Variants in PTPRA observed in about 807,000 individuals in gnomAD.
The protein encoded by PTPRA is receptor-type tyrosine-protein phosphatase alpha.
In PTPRA, 25 loss-of-function variants were observed where a neutral mutation model predicts 104.8. That is an observed-to-expected ratio of 0.24 (90% CI 0.17 to 0.33). The LOEUF (loss-of-function observed/expected upper bound fraction) is 0.33, where lower values mean the gene tolerates loss of function less well. PTPRA is among the 10% of genes least tolerant of loss of function. The pLI, the probability that PTPRA is intolerant of heterozygous loss-of-function variation, is 1.00. For missense variants in PTPRA, 765 were observed against 1,015.3 expected (o/e 0.75, Z 3.35); for synonymous variants, 323 against 368.9 (o/e 0.88, Z 1.43).
At chr20:2,931,293 G>A (rs1014941329) in intron 2 of PTPRA, among the ~76,000 whole-genome samples, 2 of 152,150 alleles carry the variant, frequency 1.3e-5, no homozygotes, top group African/African-American at 4.8e-5. Context: ...AGAGAACCTG[G>A]GAAAAGAGAC....
intron 3 of PTPRA, among the ~76,000 whole-genome samples, chr20:2,952,068 C>A (rs2061371806): frequency 2.7e-5 from 4 of 150,864 alleles, no homozygotes; most frequent in Non-Finnish European, 5.9e-5. Context: ...TGCGGTGAGC[C>A]AAGATTGCAC....
At chr20:2,910,598 TTG>T (rs201186971) in intron 1 of PTPRA, among the ~76,000 whole-genome samples, 37 of 126,556 alleles carry the variant, frequency 2.9e-4, no homozygotes, top group East Asian at 1.9e-3. Flanking sequence ...TGTTTTTTTT[TTG>T]TTTTTTTTAA....
intron 1 of PTPRA, among the ~76,000 whole-genome samples, chr20:2,920,386 A>G (rs1394998424): frequency 6.6e-6 from 1 of 152,134 alleles, no homozygotes; most frequent in African/African-American, 2.4e-5. Context: ...GCTTAAAACC[A>G]AACAAAACCA....
At chr20:3,030,880 A>G (rs1181280838) in intron 20 of PTPRA, among the ~76,000 whole-genome samples, 1 of 151,862 alleles carries the variant, frequency 6.6e-6, no homozygotes, top group Non-Finnish European at 1.5e-5. Flanking sequence ...GGGTTTCGTC[A>G]TGTTGGCCAT....
chr20:2,932,010 C>T (rs1226364376), intron 2 of PTPRA, among the ~76,000 whole-genome samples: 1 of 152,150 alleles, frequency 6.6e-6, no homozygotes, highest in Non-Finnish European at 1.5e-5. Context: ...TTTTTTCTTC[C>T]TTGCATCCCC....
chr20:2,881,555 G>T (rs1205758652), intron 1 of PTPRA, among the ~76,000 whole-genome samples: 3 of 151,918 alleles, frequency 2.0e-5, no homozygotes, highest in Non-Finnish European at 1.5e-5. Flanking sequence ...TCACTCTGTT[G>T]CCCAGGCTGG....
At position 3,038,172 on chromosome 20, in the gene PTPRA, A is replaced by G. The variant is rs763048092; in HGVS notation, c.*39A>G. ...TCCGTGGACCAGGAGGATTGCCTTT[A>G]ATATTTTGTAATATTCTGTTTTGTT... On this transcript the variant is annotated 3_prime_UTR_variant, in exon 24 of 24. Transcript: ENST00000399903. 6.5e-7 allele frequency: 1 copy of G among 1,530,000 alleles called. No individual in the cohort carries two copies. Among genetic ancestry groups the G allele is most frequent in the Non-Finnish European group, 9.1e-7 (1 of 1,104,442 alleles). 94.8% of individuals were successfully genotyped at this position (1,530,000 alleles called of 1,614,324 possible). A position where few individuals can be genotyped will look rare whatever the true frequency, so the allele number is the denominator to read the frequency against.
chr20:2,891,317 A>G (rs1245988784), intron 1 of PTPRA, among the ~76,000 whole-genome samples: 2 of 152,166 alleles, frequency 1.3e-5, no homozygotes, highest in East Asian at 3.9e-4. Flanking sequence ...CCAACTTTAG[A>G]TTCTGTGAAT....
chr20:2,873,385 G>A (rs2089479953), upstream of PTPRA: 1 of 152,258 alleles, frequency 6.6e-6, no homozygotes, highest in Non-Finnish European at 1.5e-5. The surrounding 1 kb of genome is among the most constrained non-coding windows in gnomAD (Gnocchi z 4.4). Context: ...GGAGCGCAAG[G>A]GCGGGGCCCG....
chr20:2,991,998 A>C (rs568560782), intron 9 of PTPRA, among the ~76,000 whole-genome samples: 73 of 152,218 alleles, frequency 4.8e-4, no homozygotes, highest in Non-Finnish European at 9.8e-4. Context: ...AGTATACCCC[A>C]TAGCAGTCTA....
intron 9 of PTPRA, among the ~76,000 whole-genome samples, 155 bp downstream of exon 9, chr20:2,988,629 C>CATGGATAG (rs1268981340): frequency 1.3e-5 from 2 of 152,186 alleles, no homozygotes; most frequent in Non-Finnish European, 2.9e-5. Context: ...CCTGTATGAT[C>CATGGATAG]ATGGATAGGA....
At chr20:2,910,273 G>A (rs1246550082) in intron 1 of PTPRA, among the ~76,000 whole-genome samples, 6 of 104,744 alleles carry the variant, frequency 5.7e-5, no homozygotes, top group Admixed American at 2.4e-4. Flanking sequence ...ACAGTGGAGG[G>A]TATGCATTAT....
At chr20:2,926,921 G>A (rs932433386) in intron 2 of PTPRA, among the ~76,000 whole-genome samples, 3 of 151,796 alleles carry the variant, frequency 2.0e-5, no homozygotes, top group African/African-American at 7.3e-5. Flanking sequence ...CTCCCAAGTA[G>A]CTGGGATTAC....
At chr20:3,010,314 C>G (rs1568694904) in intron 11 of PTPRA, among the ~76,000 whole-genome samples, 1 of 152,058 alleles carries the variant, frequency 6.6e-6, no homozygotes, top group Non-Finnish European at 1.5e-5. Context: ...ATGGCTGCAG[C>G]AGTCCCAAGC....
intron 9 of PTPRA, among the ~76,000 whole-genome samples, chr20:3,000,212 C>T (rs1383997978): frequency 1.3e-5 from 2 of 152,120 alleles, no homozygotes; most frequent in African/African-American, 2.4e-5. Flanking sequence ...TGCTTGAACA[C>T]AGGAGGTGGA....
At chr20:2,908,628 C>A (rs2059513176) in intron 1 of PTPRA, among the ~76,000 whole-genome samples, 1 of 152,064 alleles carries the variant, frequency 6.6e-6, no homozygotes, top group Non-Finnish European at 1.5e-5. Flanking sequence ...TGTGGTGGCT[C>A]ACACTTGTAA....
the PTPRA span, among the ~76,000 whole-genome samples, chr20:2,867,943 T>C: frequency 6.6e-6 from 1 of 152,236 alleles, no homozygotes; most frequent in Non-Finnish European, 1.5e-5. Context: ...ATTCATTATG[T>C]GGGTCAAGAA....
chr20:3,027,580 CAG>C, intron 19 of PTPRA, 125 bp from the exon 20 acceptor site: 1 of 1,299,802 alleles, frequency 7.7e-7, no homozygotes, highest in South Asian at 1.5e-5. Flanking sequence ...TCCTTGGCCA[CAG>C]GGGAGCTCTG....
chr20:2,979,729 T>A (rs771037412), intron 6 of PTPRA, among the ~76,000 whole-genome samples: 2 of 151,972 alleles, frequency 1.3e-5, no homozygotes, highest in African/African-American at 2.4e-5. Flanking sequence ...AGAGACAGAC[T>A]ACCAGAGTCT....
Sources: gnomAD v4.1 joint callset for allele counts (sites outside exome capture counted in the v4.1 genomes callset) on GRCh38, gnomAD v4.1.1 for gene constraint, Gnocchi (gnomAD v3.1) non-coding constraint, MANE v1.5 for transcripts, NCBI Gene and HGNC (gene_info 2026-07-23, HGNC 2026-07-21) for gene names.